Variants in KNDC1 observed in about 807,000 individuals in gnomAD.
KNDC1 encodes the protein kinase non-catalytic C-lobe domain containing 1.
KNDC1 carries 106 observed loss-of-function variants against 172.8 expected under a neutral mutation model. The observed-to-expected ratio is 0.61, with a 90% CI of 0.52 to 0.72. KNDC1 has a LOEUF of 0.72. Ranked by LOEUF, KNDC1 falls within the 30% of genes least tolerant of loss-of-function variation. KNDC1 has a pLI of 0.00. For synonymous variants in KNDC1, 1,083 were observed against 1,062.2 expected (o/e 1.02, Z -0.38); for missense variants, 2,325 against 2,394.5 (o/e 0.97, Z 0.61).
In KNDC1 at chr10:133,199,025, C is replaced by A; in HGVS notation, c.2517C>A (p.Arg839=). The change falls in exon 14 of 30, where the codon CGC becomes CGA. Residue 839 remains arginine, a synonymous_variant. Coordinates refer to ENST00000304613, the MANE Select transcript of KNDC1 (RefSeq NM_152643.8). ...PKPPRSKATE[R]PGQEPEGPGA... ...CCCCACGAAGCAAGGCCACCGAGCG[C>A]CCGGGCCAGGAGCCAGAGGGCCCCG... 6.4e-7 allele frequency: 1 copy of A among 1,573,780 alleles called. No homozygotes were observed.
intron 26 of KNDC1, among the ~76,000 whole-genome samples, chr10:133,217,009 C>T (rs1428353970): frequency 6.6e-5 from 10 of 152,166 alleles, no homozygotes; most frequent in Non-Finnish European, 1.5e-4. Context: ...GCAGGGTGGG[C>T]GCCGGGGGCT....
intron 9 of KNDC1, among the ~76,000 whole-genome samples, chr10:133,195,152 C>T (rs11101630): frequency 0.022 from 3,344 of 152,348 alleles, 45 homozygotes; most frequent in Middle Eastern, 0.034. Flanking sequence ...AAACGTGCAT[C>T]AAATGGTGTG....
At position 133,188,737 on chromosome 10, in the gene KNDC1, C is replaced by T. The variant is rs551058532; in HGVS notation, c.1441+84C>T. 17 of 580,276 alleles carry T rather than the reference C, an allele frequency of 2.9e-5. No homozygotes were observed. The African/African-American group carries it at 4.4e-4, about 15-fold the overall frequency. The allele number at this position is 580,276 out of a possible 1,614,324, so 35.9% of individuals were successfully genotyped here. A position where few individuals can be genotyped will look rare whatever the true frequency, so the allele number is the denominator to read the frequency against. On this transcript the variant is annotated intron_variant, in intron 7 of 29. Coordinates refer to ENST00000304613, the MANE Select transcript of KNDC1 (RefSeq NM_152643.8). ...CCCCACCGCCGTCCCACACCCCCGC[C>T]GTCCCACCCCCCACACCGTCCCACG...
chr10:133,200,666 C>T (rs923115482), intron 16 of KNDC1, among the ~76,000 whole-genome samples: 4 of 152,118 alleles, frequency 2.6e-5, no homozygotes, highest in Non-Finnish European at 4.4e-5. Context: ...GGTGCCCAGC[C>T]AAAGGCCGTC....
At chr10:133,184,352 C>CAT (rs59783533) in intron 5 of KNDC1, among the ~76,000 whole-genome samples, 9 of 147,776 alleles carry the variant, frequency 6.1e-5, no homozygotes, top group African/African-American at 2.2e-4. Context: ...GCTGCACACA[C>CAT]GCTGCAACAC....
intron 11 of KNDC1, 143 bp downstream of exon 11, chr10:133,197,278 G>A (rs1414491827): frequency 5.9e-6 from 4 of 673,470 alleles, no homozygotes; most frequent in Non-Finnish European, 1.1e-5. Context: ...GGTGCATCTG[G>A]GGGTGCAGGG....
chr10:133,216,877 G>A (rs567438396), intron 26 of KNDC1, among the ~76,000 whole-genome samples: 5 of 152,352 alleles, frequency 3.3e-5, no homozygotes, highest in South Asian at 4.1e-4. Context: ...TGACGCCTGC[G>A]GCAGCACGAT....
intron 3 of KNDC1, among the ~76,000 whole-genome samples, chr10:133,179,674 G>A (rs974110648): frequency 3.3e-5 from 5 of 152,188 alleles, no homozygotes; most frequent in South Asian, 2.1e-4. Context: ...CTTCACGTGC[G>A]TGGCCAGGCC....
Position 133,185,981 on chromosome 10 carries a change from C to G in KNDC1, c.633C>G (p.Ser211Arg). 7.1e-7 allele frequency: 1 copy of G among 1,398,946 alleles called. No homozygotes were observed. Among genetic ancestry groups the G allele is most frequent in the Non-Finnish European group, 9.5e-7 (1 of 1,056,490 alleles). 86.7% of individuals were successfully genotyped at this position (1,398,946 alleles called of 1,614,324 possible). Residue 211 changes from serine to arginine, a missense_variant, in exon 6 of 30, where the codon AGC (serine) becomes AGG (arginine). Physicochemically the swap from Ser to Arg is moderately radical, Grantham distance 110. Transcript: ENST00000304613. ...CATCTTGCTTGTGCCCAGATGTCAG[C>G]GAGAGCAGCTGGCGGGAGAGACCTG... ...IESFGALQDV[S>R]ESSWRERPAP...
At position 133,199,203 on chromosome 10, in the gene KNDC1, C is replaced by G. The variant is rs761949881; in HGVS notation, c.2695C>G (p.Leu899Val). 2.5e-6 allele frequency: 4 copies of G among 1,582,066 alleles called. No homozygotes were observed. Among genetic ancestry groups the G allele is most frequent in the Non-Finnish European group, 3.4e-6 (4 of 1,164,408 alleles). ...CCCGTCGCTGCAGGAGGCCACGCGC[C>G]TCATCCAGGAGGAATTTGCCTTCGA... ...ACPSLQEATR[L>V]IQEEFAFDGY... The change falls in exon 14 of 30, where the codon CTC (leucine) becomes GTC (valine). Residue 899 changes from leucine to valine, a missense_variant. Leu to Val is a conservative substitution (Grantham distance 32). Transcript: ENST00000304613.
Position 133,162,300 on chromosome 10 carries a change from G to GCAAGTGGCT in KNDC1, c.102+1731_102+1732insCAAGTGGCT, listed in dbSNP as rs1554908095. On this transcript the variant is annotated intron_variant, in intron 1 of 29. Transcript: ENST00000304613. The stretch of plus-strand genomic sequence containing the variant: ...TGGAAGGTTCTGAAATCTCCATCGG[G>GCAAGTGGCT]GCACCTGACTTGCATGGGAAAACCG... Among the ~76,000 whole-genome samples the GCAAGTGGCT allele has an allele frequency of 3.0e-3, 448 of 151,610 alleles. 2 individuals carry two copies. The highest frequency in any genetic ancestry group is 8.2e-3 in the African/African-American group (340 of 41,342).
intron 5 of KNDC1, among the ~76,000 whole-genome samples, chr10:133,185,267 AGTGTGTG>A (rs1289961070): frequency 2.9e-4 from 43 of 148,048 alleles, no homozygotes; most frequent in Non-Finnish European, 4.0e-4. Flanking sequence ...TAGAGTAGGC[AGTGTGTG>A]CAGTGTGGAA....
At chr10:133,195,382 G>T (rs891949498) in intron 9 of KNDC1, among the ~76,000 whole-genome samples, 1 of 152,198 alleles carries the variant, frequency 6.6e-6, no homozygotes, top group African/African-American at 2.4e-5. Flanking sequence ...TGAGGAGAGT[G>T]GAAGGTGGGA....
chr10:133,187,945 G>A (rs1265447816), intron 6 of KNDC1, among the ~76,000 whole-genome samples: 1 of 47,458 alleles, frequency 2.1e-5, no homozygotes, highest in African/African-American at 1.1e-4. Flanking sequence ...CCTGCACCCC[G>A]TCCCACCCTT....
chr10:133,218,984 T>C, intron 27 of KNDC1, 31 bp downstream of exon 27: 2 of 1,613,352 alleles, frequency 1.2e-6, no homozygotes, highest in Non-Finnish European at 8.5e-7. Context: ...AAGGCGGGGG[T>C]GGGTACCCGC....
Position 133,209,619 on chromosome 10 carries a change from A to G in KNDC1, c.3795-992A>G, listed in dbSNP as rs1030112277. On this transcript the variant is annotated intron_variant, in intron 20 of 29. Coordinates refer to ENST00000304613, the MANE Select transcript of KNDC1 (RefSeq NM_152643.8). This position sits in a 1 kb window ranked among gnomAD's most constrained non-coding sequence, Gnocchi z 4.9. ...TGTGGTTGTACAGTTTGTGGCTTGC[A>G]TGGCGTGAGTGTGAGTGCTGTGCTT... Among the ~76,000 whole-genome samples, 3 of 151,974 alleles carry G rather than the reference A, an allele frequency of 2.0e-5. No homozygotes were observed. The highest frequency in any genetic ancestry group is 7.3e-5 in the African/African-American group (3 of 41,326).
At chr10:133,194,215 T>C (rs1284353925) in intron 9 of KNDC1, among the ~76,000 whole-genome samples, 7 of 152,196 alleles carry the variant, frequency 4.6e-5, no homozygotes, top group Non-Finnish European at 1.5e-5. Context: ...ATTTAAGTCA[T>C]ACAAATGTGT....
intron 5 of KNDC1, among the ~76,000 whole-genome samples, 158 bp downstream of exon 5, chr10:133,184,147 C>A (rs974156043): frequency 2.0e-5 from 3 of 147,430 alleles, no homozygotes; most frequent in African/African-American, 5.1e-5. Flanking sequence ...CCACACACAC[C>A]CATGCACACA....
Position 133,183,976 on chromosome 10 carries a change from C to T in KNDC1, c.612C>T (p.Phe204=), listed in dbSNP as rs57510763. The T allele has an allele frequency of 0.48, 752,503 of 1,583,356 alleles. 185,857 individuals carry two copies. The highest frequency in any genetic ancestry group is 0.64 in the South Asian group (56,859 of 89,346). Residue 204 remains phenylalanine, a synonymous_variant, in exon 5 of 30, where the codon TTC becomes TTT. Transcript: ENST00000304613. ...VGRRVLSIES[F]GALQDVSESS... is the part of the protein sequence containing the mutation. The stretch of plus-strand genomic sequence containing the variant: ...GGAGGGTCCTCTCCATCGAGTCCTT[C>T]GGAGCGCTGCAGGGTGAGTTCTTGA...
Sources: gnomAD v4.1 joint callset for allele counts (sites outside exome capture counted in the v4.1 genomes callset) on GRCh38, gnomAD v4.1.1 for gene constraint, Gnocchi (gnomAD v3.1) non-coding constraint, MANE v1.5 for transcripts, NCBI Gene and HGNC (gene_info 2026-07-23, HGNC 2026-07-21) for gene names.